KCND2: variants seen among roughly 807,000 people sequenced by gnomAD.
The protein encoded by KCND2 is potassium voltage-gated channel subfamily D member 2, also known as A-type voltage-gated potassium channel KCND2.
Under a neutral mutation model 54.4 loss-of-function variants are expected in KCND2, and 16 were observed. The observed-to-expected ratio is 0.29, with a 90% CI of 0.20 to 0.45. The LOEUF (loss-of-function observed/expected upper bound fraction) is 0.45, where lower values mean the gene tolerates loss of function less well. Among genes scored for constraint, KCND2 ranks in the 20% least tolerant of loss-of-function variants. KCND2 has a pLI of 1.00. For synonymous variants in KCND2, 317 were observed against 310.7 expected, an observed-to-expected ratio of 1.02 and a Z score of -0.21; for missense variants, 486 against 824.2, an observed-to-expected ratio of 0.59 and a Z score of 5.02.
At chr7:120,621,734 A>G (rs1183620911) in intron 1 of KCND2, among the ~76,000 whole-genome samples, 1 of 152,222 alleles carries the variant, frequency 6.6e-6, no homozygotes, top group Non-Finnish European at 1.5e-5. Flanking sequence ...ATAGAAAAAC[A>G]CATTCTGAGG....
chr7:120,420,147 A>G (rs1028553324), intron 1 of KCND2, among the ~76,000 whole-genome samples: 1 of 152,068 alleles, frequency 6.6e-6, no homozygotes, highest in African/African-American at 2.4e-5. Flanking sequence ...TGAGTACTAC[A>G]TGTGATTAAT....
At chr7:120,439,282 A>G (rs941673326) in intron 1 of KCND2, among the ~76,000 whole-genome samples, 2 of 152,172 alleles carry the variant, frequency 1.3e-5, no homozygotes, top group South Asian at 4.1e-4. Context: ...ATCTTCACCT[A>G]GTGTTCTCTT....
intron 1 of KCND2, among the ~76,000 whole-genome samples, chr7:120,334,956 G>A (rs1001327014): frequency 1.1e-4 from 17 of 152,168 alleles, no homozygotes; most frequent in African/African-American, 4.1e-4. Flanking sequence ...GATAGGACAA[G>A]CACCGGATGT....
At chr7:120,354,012 C>T (rs561340445) in intron 1 of KCND2, among the ~76,000 whole-genome samples, 6 of 152,154 alleles carry the variant, frequency 3.9e-5, no homozygotes, top group Non-Finnish European at 8.8e-5. Context: ...TTTTGTGTGA[C>T]AAAATGGGAA....
At chr7:120,465,057 T>C (rs190176238) in intron 1 of KCND2, among the ~76,000 whole-genome samples, 1 of 152,242 alleles carries the variant, frequency 6.6e-6, no homozygotes, top group Non-Finnish European at 1.5e-5. Flanking sequence ...GCAAAGGTCA[T>C]GGAGGACATT....
intron 1 of KCND2, among the ~76,000 whole-genome samples, chr7:120,578,083 A>T (rs1448874340): frequency 1.3e-5 from 2 of 151,942 alleles, no homozygotes; most frequent in East Asian, 1.9e-4. Flanking sequence ...GAGAAGGAGA[A>T]GGAGAAGGAG....
intron 1 of KCND2, among the ~76,000 whole-genome samples, chr7:120,609,751 C>T (rs1341272922): frequency 6.6e-6 from 1 of 152,046 alleles, no homozygotes; most frequent in Admixed American, 6.6e-5. Context: ...ATTTTCAAAA[C>T]GAAAATACAG....
chr7:120,391,759 G>A (rs1051415069), intron 1 of KCND2, among the ~76,000 whole-genome samples: 3 of 151,836 alleles, frequency 2.0e-5, no homozygotes, highest in Admixed American at 6.6e-5. Context: ...TTTTTGATGT[G>A]GTTGTTTGTT....
intron 1 of KCND2, among the ~76,000 whole-genome samples, chr7:120,570,362 G>A (rs990169696): frequency 1.3e-4 from 20 of 151,200 alleles, no homozygotes; most frequent in African/African-American, 4.4e-4. Context: ...TTACCACTGT[G>A]CATTATATCC....
In KCND2 at chr7:120,685,310, T is replaced by A. The variant is rs77587961; in HGVS notation, c.1116-47593T>A. ...ATTAACCGGACAGTTACCTAAGCAC[T>A]AAGATCATATAGTCTCTGAAGATTC... is the stretch of plus-strand genomic sequence containing the variant. On this transcript the variant is annotated intron_variant, in intron 1 of 5. Transcript: ENST00000331113. 6.7e-3 allele frequency among the ~76,000 whole-genome samples: 1,014 copies of A among 152,276 alleles called. 9 individuals are homozygous for A. The highest frequency in any genetic ancestry group is 0.023 in the African/African-American group (936 of 41,568).
intron 1 of KCND2, among the ~76,000 whole-genome samples, chr7:120,426,882 A>C (rs150921800): frequency 6.6e-6 from 1 of 152,102 alleles, no homozygotes; most frequent in Admixed American, 6.5e-5. Flanking sequence ...AGCCTCCTAA[A>C]GTGCTGAGAT....
At chr7:120,294,507 T>G (rs1799480688) in intron 1 of KCND2, among the ~76,000 whole-genome samples, 1 of 151,862 alleles carries the variant, frequency 6.6e-6, no homozygotes, top group Non-Finnish European at 1.5e-5. Context: ...TAGATCTGAT[T>G]AATGCCGTAT....
intron 1 of KCND2, among the ~76,000 whole-genome samples, chr7:120,365,021 T>C (rs539416984): frequency 2.8e-4 from 43 of 152,132 alleles, no homozygotes; most frequent in African/African-American, 9.6e-4. Context: ...AAAATTGATA[T>C]TGTAGACAGG....
intron 1 of KCND2, among the ~76,000 whole-genome samples, chr7:120,313,650 A>ATACC (rs1234664833): frequency 2.0e-5 from 3 of 151,448 alleles, no homozygotes; most frequent in Admixed American, 1.3e-4. Flanking sequence ...CCTTGTTGGT[A>ATACC]GTTTCCAAAT....
intron 1 of KCND2, among the ~76,000 whole-genome samples, chr7:120,517,622 A>G (rs771468230): frequency 1.4e-4 from 21 of 152,142 alleles, no homozygotes; most frequent in Non-Finnish European, 5.9e-5. Context: ...TAAATTTGTT[A>G]TGCAGATTAA....
At chr7:120,374,414 A>G (rs1347083167) in intron 1 of KCND2, among the ~76,000 whole-genome samples, 1 of 151,648 alleles carries the variant, frequency 6.6e-6, no homozygotes, top group Non-Finnish European at 1.5e-5. Flanking sequence ...CCACTCCCCC[A>G]ACCCCCGAAA....
intron 1 of KCND2, among the ~76,000 whole-genome samples, chr7:120,386,712 A>C (rs1264215312): frequency 1.3e-5 from 2 of 152,236 alleles, no homozygotes; most frequent in East Asian, 1.9e-4. Flanking sequence ...ACAGTTCCAC[A>C]AATTTCACTG....
At chr7:120,303,930 C>T (rs1205025938) in intron 1 of KCND2, among the ~76,000 whole-genome samples, 3 of 152,092 alleles carry the variant, frequency 2.0e-5, no homozygotes, top group Non-Finnish European at 2.9e-5. Context: ...CATTTAGCCA[C>T]GTGACCAGCA....
At chr7:120,310,667 C>T (rs948381575) in intron 1 of KCND2, among the ~76,000 whole-genome samples, 3 of 151,972 alleles carry the variant, frequency 2.0e-5, no homozygotes, top group African/African-American at 4.8e-5. Context: ...GTTGTGGTGG[C>T]TCACGTGGTG....
Sources: gnomAD v4.1 joint callset for allele counts (sites outside exome capture counted in the v4.1 genomes callset) on GRCh38, gnomAD v4.1.1 for gene constraint, MANE v1.5 for transcripts, NCBI Gene and HGNC (gene_info 2026-07-23, HGNC 2026-07-21) for gene names.